EXTL3: variants seen among roughly 807,000 people sequenced by gnomAD.
EXTL3 encodes the protein exostosin-like 3.
Under a neutral mutation model 69.3 loss-of-function variants are expected in EXTL3, and 27 were observed. The observed-to-expected ratio is 0.39, with a 90% CI of 0.29 to 0.54. The LOEUF is 0.54. Among genes scored for constraint, EXTL3 ranks in the 20% least tolerant of loss-of-function variants. The pLI is 0.69. For synonymous variants in EXTL3, 511 were observed against 499.4 expected (o/e 1.02, Z -0.31); for missense variants, 1,003 against 1,231.8 (o/e 0.81, Z 2.78).
chr8:28,671,459 C>CTA (rs1807292689), intron 1 of EXTL3, among the ~76,000 whole-genome samples: 1 of 151,892 alleles, frequency 6.6e-6, no homozygotes, highest in Non-Finnish European at 1.5e-5. Flanking sequence ...TGTGCTTCAA[C>CTA]CTCTGGAGTA....
At chr8:28,636,380 C>T (rs965838097) in intron 1 of EXTL3, among the ~76,000 whole-genome samples, 2 of 151,284 alleles carry the variant, frequency 1.3e-5, no homozygotes, top group Non-Finnish European at 2.9e-5. Flanking sequence ...CAAGATCTTT[C>T]AAGTACAGAT....
chr8:28,731,028 G>C (rs1801523942), intron 3 of EXTL3, among the ~76,000 whole-genome samples, 195 bp from the exon 4 acceptor site: 2 of 152,176 alleles, frequency 1.3e-5, no homozygotes, highest in Admixed American at 6.5e-5. Flanking sequence ...AGCTTAAAAG[G>C]TAAATCTATA....
intron 3 of EXTL3, among the ~76,000 whole-genome samples, chr8:28,723,444 T>TG (rs1801341104): frequency 2.0e-5 from 3 of 152,184 alleles, no homozygotes. Flanking sequence ...ATACAGAAGT[T>TG]GAAAGCAATT....
chr8:28,610,765 T>C (rs10089049), intron 2 of EXTL3, among the ~76,000 whole-genome samples: 43,148 of 150,190 alleles, frequency 0.29, 6,387 homozygotes, highest in African/African-American at 0.33. Context: ...TTTTTTTAGA[T>C]GGAGTCTCTG....
chr8:28,645,698 T>G (rs1281028419), intron 1 of EXTL3, among the ~76,000 whole-genome samples: 1 of 152,182 alleles, frequency 6.6e-6, no homozygotes, highest in Non-Finnish European at 1.5e-5. Flanking sequence ...TCTCTCTGTT[T>G]TTTTCTTTTT....
intron 2 of EXTL3, among the ~76,000 whole-genome samples, chr8:28,614,167 C>G (rs7825252): frequency 0.011 from 1,742 of 151,550 alleles, 28 homozygotes; most frequent in African/African-American, 0.04. Context: ...AACAAACCAG[C>G]TCTTAGTTTT....
chr8:28,736,576 G>A (rs1408912762), intron 4 of EXTL3, among the ~76,000 whole-genome samples: 1 of 152,162 alleles, frequency 6.6e-6, no homozygotes, highest in African/African-American at 2.4e-5. Flanking sequence ...GTATGGTTCT[G>A]TAGGCCACTT....
chr8:28,642,369 C>G lies in EXTL3; in HGVS notation c.-53+19559C>G, dbSNP rs568141668. On this transcript the variant is annotated intron_variant, in intron 1 of 6. Coordinates refer to the EXTL3 transcript ENST00000523149. ...ACTGAGGCAGGACAATCACTTGGGCCCAGGAGGTAAAGGCTGCAGTGAGCC... is the reference window on the plus strand; with the variant it reads ...ACTGAGGCAGGACAATCACTTGGGCGCAGGAGGTAAAGGCTGCAGTGAGCC... Among the ~76,000 whole-genome samples, 10 of 151,482 alleles carry G rather than the reference C, an allele frequency of 6.6e-5. No individual in the cohort carries two copies. In the South Asian group the frequency reaches 2.1e-3, roughly 32 times the overall value.
chr8:28,717,843 T>A lies in EXTL3; in HGVS notation c.1784T>A (p.Leu595Gln). The A allele has an allele frequency of 6.2e-7, 1 of 1,612,020 alleles. No individual in the cohort carries two copies. The highest frequency in any genetic ancestry group is 8.5e-7 in the Non-Finnish European group (1 of 1,178,200). The change falls in exon 3 of 7, where the codon CTG (leucine) becomes CAG (glutamine). Residue 595 changes from leucine (L) to glutamine (Q), a missense_variant. By Grantham distance (113) the Leu-to-Gln change is moderately radical (BLOSUM62 -2). Coordinates refer to ENST00000220562, the MANE Select transcript of EXTL3 (RefSeq NM_001440.4). This position sits in a 1 kb window ranked among gnomAD's most constrained non-coding sequence, Gnocchi z 8.3. ...ASPRYLRNFTLTVTDFYRSWN... is the reference protein window; with the variant it reads ...ASPRYLRNFTQTVTDFYRSWN... Reference sequence around the variant, plus strand: ...CCCAGATACCTCCGCAATTTCACTCTGACTGTCACTGACTTTTACCGCAGC... The same window carrying A: ...CCCAGATACCTCCGCAATTTCACTCAGACTGTCACTGACTTTTACCGCAGC...
At chr8:28,657,712 T>A (rs1188443940) in intron 1 of EXTL3, among the ~76,000 whole-genome samples, 3 of 152,070 alleles carry the variant, frequency 2.0e-5, no homozygotes, top group African/African-American at 7.2e-5. Flanking sequence ...GGAAAGCACA[T>A]CAAAGCATAA....
intron 1 of EXTL3, among the ~76,000 whole-genome samples, chr8:28,692,854 T>C (rs1343399396): frequency 6.6e-6 from 1 of 152,218 alleles, no homozygotes; most frequent in African/African-American, 2.4e-5. Context: ...ACACTGGAAC[T>C]CAGCCATCAA....
chr8:28,746,451 A>C (rs934116494), intron 6 of EXTL3, among the ~76,000 whole-genome samples: 3 of 152,328 alleles, frequency 2.0e-5, no homozygotes. Context: ...CTTGGCAGCT[A>C]TCAAGGATTT....
chr8:28,702,688 A>G (rs1304219291), intron 1 of EXTL3, among the ~76,000 whole-genome samples: 2 of 151,468 alleles, frequency 1.3e-5, no homozygotes, highest in Admixed American at 6.6e-5. Flanking sequence ...AGCGCAGAAC[A>G]CCACAACATG....
rs1481673166 is a variant in EXTL3, at chr8:28,755,095, T to C, written c.*4229T>C. 1 of 152,216 alleles carries C rather than the reference T, an allele frequency of 6.6e-6. No individual in the cohort carries two copies. The highest frequency in any genetic ancestry group is 2.4e-5 in the African/African-American group (1 of 41,444). 9.4% of individuals were successfully genotyped at this position (152,216 alleles called of 1,614,324 possible). On this transcript the variant is annotated 3_prime_UTR_variant, in exon 7 of 7. Coordinates refer to ENST00000220562, the MANE Select transcript of EXTL3 (RefSeq NM_001440.4). Reference sequence around the variant, plus strand: ...AAGTTGTGCCCATCTCTTAAGCATATGTTAAAAGTTAAATAATATAATATA... The same window carrying C: ...AAGTTGTGCCCATCTCTTAAGCATACGTTAAAAGTTAAATAATATAATATA...
chr8:28,734,284 G>T (rs935091083), intron 4 of EXTL3, among the ~76,000 whole-genome samples: 3 of 152,192 alleles, frequency 2.0e-5, no homozygotes, highest in Non-Finnish European at 4.4e-5. Flanking sequence ...AAGTTCAGTG[G>T]ATCTATTTTC....
At chr8:28,609,881 C>T (rs1378827341) in intron 2 of EXTL3, among the ~76,000 whole-genome samples, 1 of 143,782 alleles carries the variant, frequency 7.0e-6, no homozygotes, top group East Asian at 2.0e-4. Context: ...TAGAGTGAGA[C>T]ACTGGCTCAA....
At chr8:28,724,628 A>G (rs1387704204) in intron 3 of EXTL3, among the ~76,000 whole-genome samples, 1 of 135,870 alleles carries the variant, frequency 7.4e-6, no homozygotes, top group Non-Finnish European at 1.6e-5. Context: ...AGAAGAAGAA[A>G]AAAAGAAAAA....
intron 2 of EXTL3, among the ~76,000 whole-genome samples, chr8:28,612,588 A>AT (rs1806285989): frequency 6.6e-6 from 1 of 152,208 alleles, no homozygotes; most frequent in African/African-American, 2.4e-5. Context: ...TATCTTCTTA[A>AT]TTTTTATAAA....
intron 1 of EXTL3, chr8:28,622,922 T>C (rs556261419): frequency 6.6e-6 from 1 of 152,306 alleles, no homozygotes; most frequent in African/African-American, 2.4e-5. Flanking sequence ...CACTTCTCGC[T>C]GTAGCCCGGG....
Sources: allele counts gnomAD v4.1 joint callset (sites outside exome capture counted in the v4.1 genomes callset), GRCh38; gene constraint gnomAD v4.1.1; non-coding constraint Gnocchi (gnomAD v3.1); transcripts MANE v1.5; gene names NCBI Gene and HGNC (gene_info 2026-07-23, HGNC 2026-07-21).